The following XKR6 variants were observed in gnomAD, a reference collection of about 807,000 sequenced individuals.
XKR6 encodes the protein XK-related protein 6.
A neutral mutation model predicts 56.7 loss-of-function variants in XKR6; 22 were observed. The observed-to-expected ratio is 0.39, with a 90% CI of 0.28 to 0.55. XKR6 has a LOEUF of 0.55. Among genes scored for constraint, XKR6 ranks in the 20% least tolerant of loss-of-function variants. The pLI, the probability that XKR6 is intolerant of heterozygous loss-of-function variation, is 0.66. For missense variants in XKR6, 852 were observed against 889.0 expected, an observed-to-expected ratio of 0.96 and a Z score of 0.53; for synonymous variants, 524 against 387.8, an observed-to-expected ratio of 1.35 and a Z score of -4.13.
At chr8:11,120,860 C>G (rs542858746) in intron 1 of XKR6, among the ~76,000 whole-genome samples, 1 of 152,260 alleles carries the variant, frequency 6.6e-6, no homozygotes, top group East Asian at 1.9e-4. Context: ...TGGAACAGAT[C>G]AGAGCCCTCA....
chr8:11,069,931 T>C (rs1052565476), intron 1 of XKR6, among the ~76,000 whole-genome samples: 1 of 152,202 alleles, frequency 6.6e-6, no homozygotes, highest in African/African-American at 2.4e-5. Context: ...GGCCTTGATA[T>C]TGACCCAAGG....
rs1353239574 is a variant in XKR6 at position 10,896,104 on chromosome 8, T to C, written c.*1848A>G. Reference sequence around the variant, plus strand: ...GTGTTTATATATATATATATATATATACTTATTATATATCTTTTTTGTGAT... The same window carrying C: ...GTGTTTATATATATATATATATATACACTTATTATATATCTTTTTTGTGAT... On this transcript the variant is annotated 3_prime_UTR_variant, in exon 3 of 3. Coordinates refer to ENST00000416569, the MANE Select transcript of XKR6 (RefSeq NM_173683.4). 1 of 148,278 alleles carries C rather than the reference T, an allele frequency of 6.7e-6. No individual in the cohort carries two copies. Among genetic ancestry groups the C allele is most frequent in the Non-Finnish European group, 1.5e-5 (1 of 67,144 alleles). The allele number at this position is 148,278 out of a possible 1,614,324, so 9.2% of individuals were successfully genotyped here.
intron 1 of XKR6, chr8:11,108,833 C>T (rs1446643112): frequency 6.4e-6 from 1 of 155,528 alleles, no homozygotes; most frequent in Non-Finnish European, 1.4e-5. Flanking sequence ...GTCCCTACAC[C>T]CACAGAAACC....
At chr8:10,992,346 A>G (rs993652224) in intron 1 of XKR6, among the ~76,000 whole-genome samples, 1 of 152,086 alleles carries the variant, frequency 6.6e-6, no homozygotes, top group Admixed American at 6.5e-5. Flanking sequence ...GTGGCTGCTT[A>G]TTAGAATGAA....
intron 1 of XKR6, among the ~76,000 whole-genome samples, chr8:10,964,925 T>G (rs1475611909): frequency 6.6e-6 from 1 of 152,232 alleles, no homozygotes; most frequent in African/African-American, 2.4e-5. Context: ...CAGGGCGCTG[T>G]TAAACCCAGA....
intron 1 of XKR6, among the ~76,000 whole-genome samples, chr8:10,996,169 A>G (rs1798109028): frequency 6.6e-6 from 1 of 152,238 alleles, no homozygotes; most frequent in African/African-American, 2.4e-5. Context: ...TCTCAGGTCA[A>G]TAATCTTTCT....
intron 1 of XKR6, among the ~76,000 whole-genome samples, chr8:11,196,444 A>C (rs1024845745): frequency 6.6e-6 from 1 of 152,152 alleles, no homozygotes; most frequent in Non-Finnish European, 1.5e-5. Flanking sequence ...AAAAAAAACA[A>C]CAACAACAAC....
chr8:11,017,161 CAGAG>C (rs1798644168), intron 1 of XKR6, among the ~76,000 whole-genome samples: 1 of 152,074 alleles, frequency 6.6e-6, no homozygotes, highest in African/African-American at 2.4e-5. Flanking sequence ...ATATAGATGA[CAGAG>C]ATAGATAGAG....
At chr8:11,178,676 AATAT>A (rs375693953) in intron 1 of XKR6, among the ~76,000 whole-genome samples, 4 of 132,924 alleles carry the variant, frequency 3.0e-5, no homozygotes, top group African/African-American at 1.4e-4. Flanking sequence ...CACAGAGATA[AATAT>A]ATATATATAT....
chr8:11,104,678 A>G (rs987640026), intron 1 of XKR6: 1 of 152,260 alleles, frequency 6.6e-6, no homozygotes, highest in African/African-American at 2.4e-5. Context: ...AATACCAGTT[A>G]TAACCATTGC....
chr8:11,125,679 C>A (rs1309686852), intron 1 of XKR6: 2 of 152,170 alleles, frequency 1.3e-5, no homozygotes, highest in South Asian at 2.1e-4. Flanking sequence ...AAATTCCATA[C>A]CTGCAAAAAA....
chr8:11,064,432 C>T (rs776909025), intron 1 of XKR6, among the ~76,000 whole-genome samples: 85 of 134,966 alleles, frequency 6.3e-4, no homozygotes, highest in Non-Finnish European at 6.9e-4. Flanking sequence ...AATCCGTTAT[C>T]GTGCCAAGAG....
chr8:10,957,313 C>G (rs1195661409), intron 1 of XKR6, among the ~76,000 whole-genome samples: 4 of 152,166 alleles, frequency 2.6e-5, no homozygotes, highest in Non-Finnish European at 5.9e-5. Context: ...ACAGAAAGGC[C>G]TTTTCCTAGG....
rs1049656330 is a variant in XKR6 at position 11,200,587 on chromosome 8, C to T, written c.753G>A (p.Gly251=). Residue 251 remains glycine (G), a synonymous_variant, in exon 1 of 3, where the codon GGG becomes GGA. Transcript: ENST00000416569. This position sits in a 1 kb window ranked among gnomAD's most constrained non-coding sequence, Gnocchi z 6.4. ...CGCAGTGCTCTTACCTCCACACCTGCCCCATCTGCAGCAGGTGGATGACCG... is the reference window on the plus strand; with the variant it reads ...CGCAGTGCTCTTACCTCCACACCTGTCCCATCTGCAGCAGGTGGATGACCG... The part of the protein sequence containing the change: ...WQSVIHLLQM[G]QVWRYIRTMY... 3 of 1,516,890 alleles carry T rather than the reference C, an allele frequency of 2.0e-6. No homozygotes were observed. The highest frequency in any genetic ancestry group is 1.3e-5 in the South Asian group (1 of 75,954). 94.0% of individuals were successfully genotyped at this position (1,516,890 alleles called of 1,614,324 possible).
intron 1 of XKR6, among the ~76,000 whole-genome samples, chr8:11,154,439 CAG>C (rs998725639): frequency 6.6e-6 from 1 of 152,236 alleles, no homozygotes; most frequent in African/African-American, 2.4e-5. Context: ...AGAACCTTCC[CAG>C]ACTCTGCCCC....
intron 2 of XKR6, among the ~76,000 whole-genome samples, chr8:10,899,572 C>T (rs1799979648): frequency 6.6e-6 from 1 of 152,238 alleles, no homozygotes; most frequent in Non-Finnish European, 1.5e-5. Flanking sequence ...CCACTCTGGT[C>T]TTTTCGGCCT....
chr8:11,010,849 C>T (rs1798484444), intron 1 of XKR6, among the ~76,000 whole-genome samples: 1 of 151,952 alleles, frequency 6.6e-6, no homozygotes, highest in Non-Finnish European at 1.5e-5. Context: ...GAACGGAGCT[C>T]CCCACCACAG....
chr8:11,174,442 G>A (rs559410354), intron 1 of XKR6, among the ~76,000 whole-genome samples: 16 of 152,262 alleles, frequency 1.1e-4, no homozygotes, highest in Admixed American at 2.0e-4. Context: ...AAATCTTTAC[G>A]AGCCGAGCAC....
chr8:11,083,869 A>G (rs1483543491), intron 1 of XKR6, among the ~76,000 whole-genome samples: 1 of 152,230 alleles, frequency 6.6e-6, no homozygotes, highest in Admixed American at 6.5e-5. Flanking sequence ...AAATTTTTGC[A>G]AGGAAATGCA....
Sources: gnomAD v4.1 joint callset for allele counts (sites outside exome capture counted in the v4.1 genomes callset) on GRCh38, gnomAD v4.1.1 for gene constraint, Gnocchi (gnomAD v3.1) non-coding constraint, MANE v1.5 for transcripts, NCBI Gene and HGNC (gene_info 2026-07-23, HGNC 2026-07-21) for gene names.